STARD13: variants seen among roughly 807,000 people sequenced by gnomAD.
STARD13 encodes the protein stAR-related lipid transfer protein 13.
In STARD13, 62 loss-of-function variants were observed where a neutral mutation model predicts 106.4. That is an observed-to-expected ratio of 0.58 (90% CI 0.48 to 0.72). STARD13 has a LOEUF of 0.72. Ranked by LOEUF, STARD13 falls within the 30% of genes least tolerant of loss-of-function variation. STARD13 has a pLI of 0.00. For synonymous variants in STARD13, 565 were observed against 553.0 expected (o/e 1.02, Z -0.31); for missense variants, 1,387 against 1,424.0 (o/e 0.97, Z 0.42).
At chr13:33,533,492 ATCAT>A in the STARD13 span, among the ~76,000 whole-genome samples, 9 of 152,218 alleles carry the variant, frequency 5.9e-5, no homozygotes, top group Non-Finnish European at 7.4e-5. Context: ...CACCTGATAA[ATCAT>A]TCAAAGTAGA....
chr13:33,526,893 A>G, the STARD13 span, among the ~76,000 whole-genome samples: 1 of 152,114 alleles, frequency 6.6e-6, no homozygotes, highest in African/African-American at 2.4e-5. Context: ...TGTGTCTCTG[A>G]GCTGTCCTGA....
the STARD13 span, among the ~76,000 whole-genome samples, chr13:33,420,693 C>T: frequency 6.6e-5 from 10 of 152,194 alleles, no homozygotes; most frequent in South Asian, 2.1e-4. Flanking sequence ...AAATTGACCA[C>T]GTAGTTGGAA....
chr13:33,524,942 T>C, the STARD13 span, among the ~76,000 whole-genome samples: 1,894 of 152,224 alleles, frequency 0.012, 40 homozygotes, highest in African/African-American at 0.043. Flanking sequence ...GCAGTACATC[T>C]CCTGAATTTA....
the STARD13 span, among the ~76,000 whole-genome samples, chr13:33,482,192 G>C: frequency 2.0e-5 from 3 of 152,142 alleles, no homozygotes; most frequent in Non-Finnish European, 4.4e-5. Context: ...AGGTAAGGGA[G>C]ATGTAGGTGG....
chr13:33,615,108 G>A, the STARD13 span, among the ~76,000 whole-genome samples: 29 of 152,152 alleles, frequency 1.9e-4, no homozygotes, highest in Admixed American at 7.2e-4. Flanking sequence ...ATATTCTGGA[G>A]GTAGAGTCAA....
the STARD13 span, among the ~76,000 whole-genome samples, chr13:33,414,950 C>T: frequency 6.6e-6 from 1 of 152,186 alleles, no homozygotes. Context: ...GGTAGAATGT[C>T]TGTAAAGATG....
At chr13:33,310,896 C>T (rs1893104678) in intron 1 of STARD13, among the ~76,000 whole-genome samples, 1 of 152,072 alleles carries the variant, frequency 6.6e-6, no homozygotes, top group Non-Finnish European at 1.5e-5. Context: ...GGCTACAAAC[C>T]TGCACAGCAT....
intron 1 of STARD13, among the ~76,000 whole-genome samples, chr13:33,298,394 C>T (rs1050226021): frequency 6.6e-6 from 1 of 151,610 alleles, no homozygotes; most frequent in Non-Finnish European, 1.5e-5. Context: ...ACCTCGGCCT[C>T]CCAAAGTGCT....
chr13:33,142,524 T>A, intron 3 of STARD13, 151 bp from the exon 4 acceptor site: 1 of 678,962 alleles, frequency 1.5e-6, no homozygotes, highest in Non-Finnish European at 2.5e-6. Context: ...AGGTATGCTA[T>A]ATAGTAGTTC....
At chr13:33,202,236 G>A (rs1887090799) in intron 1 of STARD13, among the ~76,000 whole-genome samples, 1 of 152,212 alleles carries the variant, frequency 6.6e-6, no homozygotes, top group East Asian at 1.9e-4. Context: ...ATTCAGATAG[G>A]ACTAGTAGGT....
the STARD13 span, among the ~76,000 whole-genome samples, chr13:33,434,593 A>G: frequency 2.0e-5 from 3 of 152,104 alleles, no homozygotes; most frequent in Non-Finnish European, 4.4e-5. Flanking sequence ...CTCAGTCAAT[A>G]CGGATCTGTA....
chr13:33,661,527 G>A, the STARD13 span, among the ~76,000 whole-genome samples: 1 of 152,200 alleles, frequency 6.6e-6, no homozygotes, highest in Non-Finnish European at 1.5e-5. Flanking sequence ...TAAGAAAAGA[G>A]GTTTAACTGA....
At chr13:33,524,780 T>C in the STARD13 span, among the ~76,000 whole-genome samples, 17 of 152,128 alleles carry the variant, frequency 1.1e-4, no homozygotes, top group Non-Finnish European at 2.9e-5. Context: ...TTTTAAAACA[T>C]GTATACATTT....
At chr13:33,262,664 C>CACA (rs1566105459) in intron 1 of STARD13, among the ~76,000 whole-genome samples, 7 of 134,894 alleles carry the variant, frequency 5.2e-5, no homozygotes, top group African/African-American at 1.9e-4. Flanking sequence ...ACACACACAA[C>CACA]ACACACACAC....
chr13:33,268,168 G>A (rs867384105), intron 1 of STARD13, among the ~76,000 whole-genome samples: 2 of 152,172 alleles, frequency 1.3e-5, no homozygotes, highest in Non-Finnish European at 2.9e-5. Context: ...CATACCAAGA[G>A]TTCGATAGCT....
chr13:33,211,833 G>A lies in STARD13; in HGVS notation c.170-44211C>T, dbSNP rs200825224. Among the ~76,000 whole-genome samples the A allele has an allele frequency of 8.3e-3, 1,257 of 150,578 alleles. 11 individuals carry two copies. The highest frequency in any genetic ancestry group is 0.017 in the Middle Eastern group (5 of 286). On this transcript the variant is annotated intron_variant, in intron 1 of 13. Transcript: ENST00000336934. ...TGTGTGTGTGTGTGTGTGTATGTGT[G>A]TGTGTGTGTGTGTGTATGACACATA... is the stretch of plus-strand genomic sequence containing the variant.
chr13:33,270,002 G>A (rs1248740499), intron 1 of STARD13, among the ~76,000 whole-genome samples: 2 of 152,180 alleles, frequency 1.3e-5, no homozygotes, highest in Non-Finnish European at 2.9e-5. Context: ...TTGGGAGGCC[G>A]AGGTGGGTGG....
intron 1 of STARD13, chr13:33,349,303 C>T (rs999719356): frequency 1.7e-5 from 12 of 696,394 alleles, no homozygotes; most frequent in Non-Finnish European, 3.1e-5. Context: ...CCCCAGTCCC[C>T]GAAGCATCTT....
At chr13:33,181,497 G>A (rs1470858911) in intron 1 of STARD13, among the ~76,000 whole-genome samples, 1 of 151,976 alleles carries the variant, frequency 6.6e-6, no homozygotes, top group Non-Finnish European at 1.5e-5. Flanking sequence ...TGACTGAATG[G>A]GTGAATGACT....
Sources: gnomAD v4.1 joint callset for allele counts (sites outside exome capture counted in the v4.1 genomes callset) on GRCh38, gnomAD v4.1.1 for gene constraint, MANE v1.5 for transcripts, NCBI Gene and HGNC (gene_info 2026-07-23, HGNC 2026-07-21) for gene names.